The following HDAC9 variants were observed in gnomAD, a reference collection of about 807,000 sequenced individuals.
HDAC9 encodes MEF-2 interacting transcription repressor (MITR) protein.
Under a neutral mutation model 139.4 loss-of-function variants are expected in HDAC9, and 41 were observed. That is an observed-to-expected ratio of 0.29 (90% CI 0.23 to 0.38). The LOEUF (loss-of-function observed/expected upper bound fraction) is 0.38. Ranked by LOEUF, HDAC9 falls within the 10% of genes least tolerant of loss-of-function variation. The pLI, the probability that HDAC9 is intolerant of heterozygous loss-of-function variation, is 1.00. For synonymous variants in HDAC9, 517 were observed against 476.2 expected, an observed-to-expected ratio of 1.09 and a Z score of -1.12; for missense variants, 1,147 against 1,297.0, an observed-to-expected ratio of 0.88 and a Z score of 1.78.
chr7:18,961,486 G>C (rs1783526022), intron 24 of HDAC9, among the ~76,000 whole-genome samples: 1 of 152,102 alleles, frequency 6.6e-6, no homozygotes, highest in Admixed American at 6.6e-5. Flanking sequence ...AAAAATACTA[G>C]ACTTAAGAAA....
At chr7:18,777,029 C>T (rs1790828300) in intron 16 of HDAC9, among the ~76,000 whole-genome samples, 1 of 151,798 alleles carries the variant, frequency 6.6e-6, no homozygotes, top group African/African-American at 2.4e-5. Flanking sequence ...TTTCTAGGCA[C>T]ACGCTGAGAT....
At chr7:18,498,777 T>G (rs145793262) in intron 2 of HDAC9, among the ~76,000 whole-genome samples, 1 of 152,174 alleles carries the variant, frequency 6.6e-6, no homozygotes, top group East Asian at 1.9e-4. Flanking sequence ...GTCCTCCTGC[T>G]TGCCTCTTAG....
At chr7:18,565,841 G>T (rs1822156040) in intron 2 of HDAC9, among the ~76,000 whole-genome samples, 2 of 151,046 alleles carry the variant, frequency 1.3e-5, no homozygotes, top group African/African-American at 4.9e-5. Flanking sequence ...TATTTATAAT[G>T]TGGATAATTT....
intron 2 of HDAC9, among the ~76,000 whole-genome samples, chr7:18,573,107 A>T (rs1354956367): frequency 6.6e-6 from 1 of 152,188 alleles, no homozygotes; most frequent in African/African-American, 2.4e-5. Context: ...GAAATAAGAG[A>T]ATAGTAAATC....
chr7:18,429,437 C>T (rs1454611713), intron 1 of HDAC9: 1 of 152,100 alleles, frequency 6.6e-6, no homozygotes, highest in African/African-American at 2.4e-5. Flanking sequence ...ATGTAATACT[C>T]CTTCACCCAT....
intron 1 of HDAC9, among the ~76,000 whole-genome samples, chr7:18,157,804 TGAGAGAGAGAGAGAGAGA>T (rs67690215): frequency 1.3e-3 from 138 of 109,528 alleles, no homozygotes; most frequent in African/African-American, 1.5e-3. Context: ...TTCTAAGGCA[TGAGAGAGAGAGAGAGAGA>T]GAGAGAGAGA....
chr7:18,089,890 A>T (rs1241638097), intron 1 of HDAC9, among the ~76,000 whole-genome samples: 1 of 151,518 alleles, frequency 6.6e-6, no homozygotes, highest in African/African-American at 2.4e-5. Flanking sequence ...TTACATCCAA[A>T]TGTGGCTTTT....
chr7:18,306,127 A>C (rs1468310215), intron 1 of HDAC9, among the ~76,000 whole-genome samples: 1 of 152,228 alleles, frequency 6.6e-6, no homozygotes, highest in African/African-American at 2.4e-5. Context: ...TTGGTGTGCT[A>C]GGTAACTAAA....
At chr7:18,318,849 T>C (rs560315243) in intron 1 of HDAC9, among the ~76,000 whole-genome samples, 38 of 152,290 alleles carry the variant, frequency 2.5e-4, no homozygotes, top group African/African-American at 8.7e-4. Context: ...AGGTTAAATG[T>C]AAAAACATAA....
chr7:18,982,729 C>T (rs142281496), intron 25 of HDAC9, among the ~76,000 whole-genome samples: 4 of 152,116 alleles, frequency 2.6e-5, no homozygotes, highest in African/African-American at 7.2e-5. Context: ...TGGAATCATG[C>T]GTGTGTACTG....
intron 1 of HDAC9, among the ~76,000 whole-genome samples, chr7:18,381,963 T>C (rs1186572537): frequency 6.6e-6 from 1 of 152,172 alleles, no homozygotes; most frequent in Non-Finnish European, 1.5e-5. Context: ...TACAAATGTG[T>C]GTGTGAGTAA....
intron 23 of HDAC9, chr7:18,949,029 G>A (rs1782599643): frequency 2.9e-5 from 12 of 406,856 alleles, no homozygotes; most frequent in South Asian, 2.1e-4. Flanking sequence ...GTACTTGCTT[G>A]CATTTTTGCT....
At chr7:18,346,919 A>G (rs1782461360) in intron 1 of HDAC9, among the ~76,000 whole-genome samples, 1 of 152,156 alleles carries the variant, frequency 6.6e-6, no homozygotes, top group African/African-American at 2.4e-5. Flanking sequence ...TTCTAGGTCT[A>G]AAATGATCTG....
chr7:18,195,045 TAAAAC>T (rs1053570537), intron 2 of HDAC9, among the ~76,000 whole-genome samples: 3 of 152,040 alleles, frequency 2.0e-5, no homozygotes, highest in Non-Finnish European at 2.9e-5. Flanking sequence ...ATTACTTAAA[TAAAAC>T]AAACTCTGCC....
chr7:18,748,916 CT>C, intron 13 of HDAC9, 88 bp from the exon 14 acceptor site: 1 of 1,229,520 alleles, frequency 8.1e-7, no homozygotes. Context: ...AGAATAATGA[CT>C]TTTTTGGAGT....
intron 21 of HDAC9, among the ~76,000 whole-genome samples, chr7:18,863,559 C>A (rs1308829850): frequency 2.0e-5 from 3 of 152,168 alleles, no homozygotes; most frequent in Non-Finnish European, 4.4e-5. Context: ...TTGGGCACCC[C>A]TGTTTGGACA....
chr7:18,277,198 CAAT>C (rs773190271), intron 2 of HDAC9, among the ~76,000 whole-genome samples: 6 of 151,862 alleles, frequency 4.0e-5, no homozygotes, highest in Non-Finnish European at 1.5e-5. Context: ...AGATAGGAAA[CAAT>C]GATAAAGTTT....
chr7:18,851,916 C>A (rs1309917572), intron 21 of HDAC9, among the ~76,000 whole-genome samples: 1 of 152,200 alleles, frequency 6.6e-6, no homozygotes, highest in Non-Finnish European at 1.5e-5. Flanking sequence ...ACTATAGGAG[C>A]AGCTACTCAG....
chr7:18,839,409 A>T (rs528323862), intron 21 of HDAC9, among the ~76,000 whole-genome samples: 4 of 152,182 alleles, frequency 2.6e-5, no homozygotes, highest in African/African-American at 9.6e-5. Flanking sequence ...AATAAAGCAC[A>T]GTGACTTTTT....
Sources: allele counts gnomAD v4.1 joint callset (sites outside exome capture counted in the v4.1 genomes callset), GRCh38; gene constraint gnomAD v4.1.1; transcripts MANE v1.5; gene names NCBI Gene and HGNC (gene_info 2026-07-23, HGNC 2026-07-21).